GOLM2: variants seen among roughly 807,000 people sequenced by gnomAD.
The protein encoded by GOLM2 is golgi membrane protein 2.
GOLM2 carries 26 observed loss-of-function variants against 55.9 expected under a neutral mutation model. The ratio of observed to expected loss-of-function variants is 0.47; its 90% CI spans 0.34 to 0.65. The LOEUF is 0.65. Ranked by LOEUF, GOLM2 falls within the 30% of genes least tolerant of loss-of-function variation. The pLI is 0.01. For synonymous variants in GOLM2, 165 were observed against 194.6 expected (o/e 0.85, Z 1.27); for missense variants, 486 against 531.8 (o/e 0.91, Z 0.85).
chr15:44,326,330 C>T (rs2078980698), intron 2 of GOLM2, among the ~76,000 whole-genome samples: 2 of 150,078 alleles, frequency 1.3e-5, no homozygotes, highest in African/African-American at 2.4e-5. Flanking sequence ...TGATTAACTA[C>T]AAATATTTTA....
intron 4 of GOLM2, among the ~76,000 whole-genome samples, chr15:44,334,234 C>G (rs2079041785): frequency 6.6e-6 from 1 of 152,150 alleles, no homozygotes; most frequent in Non-Finnish European, 1.5e-5. Context: ...AGCACATCAG[C>G]CCTTACCCTC....
chr15:44,352,393 G>T (rs1203769353), intron 6 of GOLM2, among the ~76,000 whole-genome samples: 1 of 152,130 alleles, frequency 6.6e-6, no homozygotes. Context: ...CTAGCTCCCT[G>T]TCTCTCACCA....
chr15:44,384,369 T>G (rs2079426746), intron 8 of GOLM2, among the ~76,000 whole-genome samples: 1 of 152,050 alleles, frequency 6.6e-6, no homozygotes, highest in Non-Finnish European at 1.5e-5. Context: ...TCTCAGTACT[T>G]TGGAAGGCTG....
At position 44,413,403 on chromosome 15, in the gene GOLM2, T is replaced by G. The variant is rs766288201; in HGVS notation, c.1308T>G (p.Leu436=). 6.2e-7 allele frequency: 1 copy of G among 1,607,490 alleles called. No homozygotes were observed. Among genetic ancestry groups the G allele is most frequent in the Non-Finnish European group, 8.5e-7 (1 of 1,176,518 alleles). Residue 436 remains leucine, a synonymous_variant, in exon 10 of 10, where the codon CTT becomes CTG. Coordinates refer to ENST00000299957, the MANE Select transcript of GOLM2 (RefSeq NM_138423.4). ...GAAAGCAACATTTCAATGATGTCCT[T>G]TAAGTCCTAAAGGAATGCTTCAGAA... ...DYGKQHFNDV[L]
intron 8 of GOLM2, among the ~76,000 whole-genome samples, chr15:44,387,978 T>G (rs2079459162): frequency 6.6e-6 from 1 of 151,802 alleles, no homozygotes; most frequent in Admixed American, 6.6e-5. Flanking sequence ...TGTTCTTTTT[T>G]TTGTTTTTGA....
chr15:44,375,893 T>C (rs764905710), intron 6 of GOLM2, among the ~76,000 whole-genome samples: 4 of 152,232 alleles, frequency 2.6e-5, no homozygotes, highest in Non-Finnish European at 5.9e-5. Flanking sequence ...AAGTGTAATA[T>C]GTAGCCACTA....
chr15:44,302,500 A>AT (rs1280373125), intron 1 of GOLM2, among the ~76,000 whole-genome samples: 3 of 118,488 alleles, frequency 2.5e-5, no homozygotes, highest in Non-Finnish European at 3.6e-5. Flanking sequence ...TTTCTTTCCT[A>AT]TTTTTTTTGA....
At chr15:44,356,951 G>T (rs958385882) in intron 6 of GOLM2, among the ~76,000 whole-genome samples, 3 of 152,082 alleles carry the variant, frequency 2.0e-5, no homozygotes, top group African/African-American at 7.2e-5. Context: ...TGGGCAAATT[G>T]CTTGAGCTCA....
chr15:44,310,492 ACACACACACC>A lies in GOLM2; in HGVS notation c.328-12463_328-12454del, dbSNP rs1362168364. Among the ~76,000 whole-genome samples, 701 of 141,864 alleles carry A rather than the reference ACACACACACC, an allele frequency of 4.9e-3. 13 individuals are homozygous for A. The East Asian group carries it at 0.051, about 10-fold the overall frequency. The allele number at this position is 141,864 out of a possible 152,430, so 93.1% of individuals were successfully genotyped here. On this transcript the variant is annotated intron_variant, in intron 1 of 9. Transcript: ENST00000299957. The stretch of plus-strand genomic sequence containing the variant: ...TATGTATATATATATATATATATAC[ACACACACACC>A]CACACACACACACACACACACACAT...
chr15:44,397,540 T>C (rs1284469047), intron 8 of GOLM2, among the ~76,000 whole-genome samples: 1 of 147,390 alleles, frequency 6.8e-6, no homozygotes, highest in Non-Finnish European at 1.5e-5. Context: ...ACATCATAGA[T>C]TTATACCATC....
At position 44,348,298 on chromosome 15, in the gene GOLM2, A is replaced by G. The variant is rs574823604; in HGVS notation, c.802+9981A>G. ...TGGATGGTAGTTCTGGACCTACACTATGCTAGAAGGGAGCCTGTTGCTCTG... is the reference window on the plus strand; with the variant it reads ...TGGATGGTAGTTCTGGACCTACACTGTGCTAGAAGGGAGCCTGTTGCTCTG... On this transcript the variant is annotated intron_variant, in intron 6 of 9. Coordinates refer to ENST00000299957, the MANE Select transcript of GOLM2 (RefSeq NM_138423.4). Among the ~76,000 whole-genome samples the G allele has an allele frequency of 7.9e-5, 12 of 151,910 alleles. No individual in the cohort carries two copies. In the South Asian group the frequency reaches 2.3e-3, roughly 29 times the overall value.
Position 44,409,176 on chromosome 15 carries a change from C to G in GOLM2, c.1241-4160C>G, listed in dbSNP as rs1193902310. On this transcript the variant is annotated intron_variant, in intron 9 of 9. Transcript: ENST00000299957. ...GCGGGCACCCGTAGTCCCAGCTACTCGGGAGGCTGAGGCAGGAGAATGGCG... is the reference window on the plus strand; with the variant it reads ...GCGGGCACCCGTAGTCCCAGCTACTGGGGAGGCTGAGGCAGGAGAATGGCG... Among the ~76,000 whole-genome samples, 3 of 137,866 alleles carry G rather than the reference C, an allele frequency of 2.2e-5. No homozygotes were observed. In the Admixed American group the frequency reaches 2.2e-4, roughly 10 times the overall value. The allele number at this position is 137,866 out of a possible 152,430, so 90.4% of individuals were successfully genotyped here.
chr15:44,350,757 A>G (rs2079156154), intron 6 of GOLM2, among the ~76,000 whole-genome samples: 1 of 152,230 alleles, frequency 6.6e-6, no homozygotes, highest in African/African-American at 2.4e-5. Flanking sequence ...TAAGGAACAT[A>G]TTAAAAAGAT....
intron 1 of GOLM2, among the ~76,000 whole-genome samples, chr15:44,310,093 A>G (rs565824342): frequency 7.2e-5 from 11 of 152,218 alleles, no homozygotes; most frequent in African/African-American, 2.4e-4. Context: ...AATGTTGGCC[A>G]AGCTGGTCTG....
chr15:44,402,807 A>G (rs1205844562), intron 8 of GOLM2, 80 bp from the exon 9 acceptor site: 3 of 1,426,882 alleles, frequency 2.1e-6, no homozygotes, highest in Non-Finnish European at 9.6e-7. Flanking sequence ...TCACTTGTTT[A>G]CTTTCTGGTC....
chr15:44,352,480 G>A (rs956915688), intron 6 of GOLM2, among the ~76,000 whole-genome samples: 1 of 152,010 alleles, frequency 6.6e-6, no homozygotes, highest in Admixed American at 6.6e-5. Flanking sequence ...AAACAACATT[G>A]GGGAAACTCC....
At chr15:44,402,816 T>G in intron 8 of GOLM2, 71 bp from the exon 9 acceptor site, 2 of 1,490,588 alleles carry the variant, frequency 1.3e-6, no homozygotes, top group Non-Finnish European at 1.8e-6. Flanking sequence ...TACTTTCTGG[T>G]CTGCCTTCCG....
At chr15:44,319,704 C>T (rs2078936329) in intron 1 of GOLM2, among the ~76,000 whole-genome samples, 1 of 152,172 alleles carries the variant, frequency 6.6e-6, no homozygotes, top group African/African-American at 2.4e-5. Flanking sequence ...CCTCCCACCT[C>T]AGCCTCTCAA....
At chr15:44,349,103 T>C (rs879748221) in intron 6 of GOLM2, among the ~76,000 whole-genome samples, 2 of 151,178 alleles carry the variant, frequency 1.3e-5, no homozygotes, top group Non-Finnish European at 2.9e-5. Context: ...CTACTAAAAA[T>C]ACAAAATTAG....
Sources: allele counts gnomAD v4.1 joint callset (sites outside exome capture counted in the v4.1 genomes callset), GRCh38; gene constraint gnomAD v4.1.1; transcripts MANE v1.5; gene names NCBI Gene and HGNC (gene_info 2026-07-23, HGNC 2026-07-21).